The following KCNQ2 variants were observed in gnomAD, a reference collection of about 807,000 sequenced individuals.
The protein encoded by KCNQ2 is potassium voltage-gated channel subfamily Q member 2.
KCNQ2 carries 14 observed loss-of-function variants against 84.8 expected under a neutral mutation model. The observed-to-expected ratio is 0.17, with a 90% CI of 0.11 to 0.26. The LOEUF (loss-of-function observed/expected upper bound fraction) is 0.26, where lower values mean the gene tolerates loss of function less well. Ranked by LOEUF, KCNQ2 falls within the 10% of genes least tolerant of loss-of-function variation. KCNQ2 has a pLI of 1.00. For synonymous variants in KCNQ2, 599 were observed against 554.1 expected, an observed-to-expected ratio of 1.08 and a Z score of -1.14; for missense variants, 788 against 1,254.0, an observed-to-expected ratio of 0.63 and a Z score of 5.61.
chr20:63,454,225 C>T (rs1015700531), intron 1 of KCNQ2, among the ~76,000 whole-genome samples: 4 of 152,240 alleles, frequency 2.6e-5, no homozygotes, highest in Non-Finnish European at 5.9e-5. Flanking sequence ...CATCTGCCCC[C>T]GCCTCGCCGG....
At chr20:63,469,419 A>G (rs1036997142) in intron 1 of KCNQ2, among the ~76,000 whole-genome samples, 1 of 152,246 alleles carries the variant, frequency 6.6e-6, no homozygotes, top group Non-Finnish European at 1.5e-5. Flanking sequence ...ACAGTGGATG[A>G]AGTCCCTCTC....
chr20:63,452,608 A>T (rs555933876), intron 1 of KCNQ2, among the ~76,000 whole-genome samples: 1 of 152,336 alleles, frequency 6.6e-6, no homozygotes, highest in Admixed American at 6.5e-5. Flanking sequence ...ACGGGCTGGG[A>T]GAGGACACAG....
chr20:63,440,326 G>A (rs1224873107), intron 5 of KCNQ2, among the ~76,000 whole-genome samples: 5 of 152,284 alleles, frequency 3.3e-5, no homozygotes, highest in South Asian at 4.1e-4. Context: ...CACCCGACTC[G>A]GGGCCTGGAT....
At chr20:63,452,355 T>A (rs545360210) in intron 1 of KCNQ2, among the ~76,000 whole-genome samples, 11 of 152,328 alleles carry the variant, frequency 7.2e-5, no homozygotes, top group African/African-American at 2.6e-4. Flanking sequence ...ACGACTTCCA[T>A]GTTGCGGTCT....
intron 12 of KCNQ2, among the ~76,000 whole-genome samples, chr20:63,415,427 G>A (rs1204361352): frequency 1.9e-4 from 22 of 113,256 alleles, no homozygotes; most frequent in African/African-American, 5.0e-4. Context: ...CCGAGCACCC[G>A]GCGGGAGGGA....
chr20:63,442,869 TCACCATTATCAC>T (rs2081240915), intron 4 of KCNQ2, among the ~76,000 whole-genome samples: 20 of 18,274 alleles, frequency 1.1e-3, no homozygotes, highest in South Asian at 1.9e-3. Flanking sequence ...ACCATCACCA[TCACCATTATCAC>T]CACCACCATC....
At chr20:63,433,399 T>G in intron 8 of KCNQ2, 2 of 334,298 alleles carry the variant, frequency 6.0e-6, no homozygotes, top group Non-Finnish European at 1.1e-5. Flanking sequence ...AGGTCCTTGA[T>G]GGGGGACGGG....
At position 63,472,306 on chromosome 20, in the gene KCNQ2, A is replaced by G. The variant is rs1038663676; in HGVS notation, c.158T>C (p.Ile53Thr). Residue 53 changes from isoleucine (I) to threonine (T), a missense_variant, in exon 1 of 17, where the codon ATC (isoleucine) becomes ACC (threonine). By Grantham distance (89) the Ile-to-Thr change is moderately conservative. Transcript: ENST00000359125. ...AGSEAPKRGS[I>T]LSKPRAGGAG... Reference sequence around the variant, plus strand: ...GCCGCCCGCGCGAGGTTTGCTGAGGATGCTGCCGCGCTTGGGGGCCTCGGA... The same window carrying G: ...GCCGCCCGCGCGAGGTTTGCTGAGGGTGCTGCCGCGCTTGGGGGCCTCGGA... 2.6e-6 allele frequency: 4 copies of G among 1,537,990 alleles called. No individual in the cohort carries two copies. Among genetic ancestry groups the G allele is most frequent in the African/African-American group, 1.4e-5 (1 of 70,966 alleles).
chr20:63,423,099 G>A (rs533134178), intron 11 of KCNQ2, among the ~76,000 whole-genome samples: 58 of 152,310 alleles, frequency 3.8e-4, no homozygotes, highest in Admixed American at 3.2e-3. Flanking sequence ...CTGGGCCCTC[G>A]TCCGTTTTCT....
intron 5 of KCNQ2, chr20:63,439,926 C>T: frequency 1.6e-6 from 1 of 619,904 alleles, no homozygotes; most frequent in Non-Finnish European, 2.9e-6. Context: ...AAGCGGGGTC[C>T]AGCCAAAGGC....
chr20:63,432,916 G>A (rs1237303410), intron 8 of KCNQ2, among the ~76,000 whole-genome samples: 6 of 152,108 alleles, frequency 3.9e-5, no homozygotes, highest in Admixed American at 1.3e-4. Context: ...GGCTCCAGGG[G>A]ACAGAAACCC....
chr20:63,451,392 G>A (rs958968486), intron 1 of KCNQ2, among the ~76,000 whole-genome samples: 2 of 152,094 alleles, frequency 1.3e-5, no homozygotes, highest in African/African-American at 2.4e-5. Context: ...ATGAGCACAC[G>A]GCAATATACG....
At chr20:63,436,330 G>C (rs1156726322) in intron 7 of KCNQ2, among the ~76,000 whole-genome samples, 1 of 152,224 alleles carries the variant, frequency 6.6e-6, no homozygotes, top group Non-Finnish European at 1.5e-5. Flanking sequence ...AGGAGATCGA[G>C]ACCATCCTGG....
Position 63,414,772 on chromosome 20 carries a change from A to T in KCNQ2, c.1525+131T>A. 1 of 843,560 alleles carries T rather than the reference A, an allele frequency of 1.2e-6. No individual in the cohort carries two copies. The highest frequency in any genetic ancestry group is 2.0e-6 in the Non-Finnish European group (1 of 503,664). The allele number at this position is 843,560 out of a possible 1,614,324, so 52.3% of individuals were successfully genotyped here. ...GTTGCACAAGTCTCACCTCAATTTT[A>T]GAAAGGATAGGGGGTTCCCACTCCA... On this transcript the variant is annotated intron_variant, in intron 13 of 16. Transcript: ENST00000359125. This position sits in a 1 kb window ranked among gnomAD's most constrained non-coding sequence, Gnocchi z 6.6.
chr20:63,431,461 G>T, intron 8 of KCNQ2, 92 bp from the exon 9 acceptor site: 1 of 1,371,246 alleles, frequency 7.3e-7, no homozygotes, highest in Non-Finnish European at 1.0e-6. Flanking sequence ...AATAGTTGAG[G>T]AAAGTAGGGG....
chr20:63,423,084 T>C (rs562569471), intron 11 of KCNQ2, among the ~76,000 whole-genome samples: 59 of 152,336 alleles, frequency 3.9e-4, no homozygotes, highest in African/African-American at 1.4e-3. Context: ...CCGACCCAGC[T>C]CTTTCTGGGC....
chr20:63,419,319 G>T (rs2080395014), intron 12 of KCNQ2, among the ~76,000 whole-genome samples: 1 of 152,228 alleles, frequency 6.6e-6, no homozygotes, highest in Non-Finnish European at 1.5e-5. Context: ...CTGAAGAGCA[G>T]TCGGGGACCC....
At position 63,432,031 on chromosome 20, in the gene KCNQ2, C is replaced by T. The variant is rs181375115; in HGVS notation, c.1119-662G>A. On this transcript the variant is annotated intron_variant, in intron 8 of 16. Coordinates refer to ENST00000359125, the MANE Select transcript of KCNQ2 (RefSeq NM_172107.4). ...GGCCCCATCCACAGGGAAGGCTCCA[C>T]CCTCAGGGAAGGATCCACCCACAGG... is the stretch of plus-strand genomic sequence containing the variant. Among the ~76,000 whole-genome samples, 476 of 147,122 alleles carry T rather than the reference C, an allele frequency of 3.2e-3. 1 individual carries two copies. Among genetic ancestry groups the T allele is most frequent in the African/African-American group, 0.011 (435 of 39,348 alleles).
rs866273611 is a variant in KCNQ2, at chr20:63,400,348, G to T, written c.*6296C>A. 2 of 342,194 alleles carry T rather than the reference G, an allele frequency of 5.8e-6. No homozygotes were observed. Among genetic ancestry groups the T allele is most frequent in the Admixed American group, 4.8e-5 (1 of 20,754 alleles). The allele number at this position is 342,194 out of a possible 1,614,324, so 21.2% of individuals were successfully genotyped here. A position where few individuals can be genotyped will look rare whatever the true frequency, so the allele number is the denominator to read the frequency against. On this transcript the variant is annotated 3_prime_UTR_variant, in exon 17 of 17. Coordinates refer to ENST00000359125, the MANE Select transcript of KCNQ2 (RefSeq NM_172107.4). This position sits in a 1 kb window ranked among gnomAD's most constrained non-coding sequence, Gnocchi z 8.7. Reference sequence around the variant, plus strand: ...CACACCCGAAGTCCCCCGCAAACCCGCACTGGCGCATTCTTACGGCTCTGG... The same window carrying T: ...CACACCCGAAGTCCCCCGCAAACCCTCACTGGCGCATTCTTACGGCTCTGG...
Sources: allele counts gnomAD v4.1 joint callset (sites outside exome capture counted in the v4.1 genomes callset), GRCh38; gene constraint gnomAD v4.1.1; non-coding constraint Gnocchi (gnomAD v3.1); transcripts MANE v1.5; gene names NCBI Gene and HGNC (gene_info 2026-07-23, HGNC 2026-07-21).